ADCK5: variants seen among roughly 807,000 people sequenced by gnomAD.
ADCK5 encodes uncharacterized aarF domain-containing protein kinase 5.
Under a neutral mutation model 64.9 loss-of-function variants are expected in ADCK5, and 43 were observed. The observed-to-expected ratio is 0.66, with a 90% CI of 0.52 to 0.85. The LOEUF is 0.85. Ranked by LOEUF, ADCK5 falls within the 40% of genes least tolerant of loss-of-function variation. The pLI, the probability that ADCK5 is intolerant of heterozygous loss-of-function variation, is 0.00. For missense variants in ADCK5, 760 were observed against 810.5 expected (o/e 0.94, Z 0.76); for synonymous variants, 434 against 342.8 (o/e 1.27, Z -2.94).
intron 3 of ADCK5, among the ~76,000 whole-genome samples, chr8:144,387,474 C>T (rs1296670320): frequency 6.6e-6 from 1 of 152,090 alleles, no homozygotes; most frequent in African/African-American, 2.4e-5. Context: ...CATCTTGGCT[C>T]ACTTCAGCCT....
chr8:144,388,356 CAAA>C (rs111734380), intron 3 of ADCK5, among the ~76,000 whole-genome samples: 1 of 84,836 alleles, frequency 1.2e-5, no homozygotes. Context: ...GATTCCATCT[CAAA>C]AAAAAAAAAA....
intron 1 of ADCK5, chr8:144,377,546 C>T (rs782537000): frequency 3.3e-5 from 5 of 152,212 alleles, no homozygotes; most frequent in Admixed American, 6.5e-5. Flanking sequence ...GACAGGGTTT[C>T]GCCATGTTGG....
chr8:144,375,474 A>G (rs2130679546), intron 1 of ADCK5: 6 of 985,416 alleles, frequency 6.1e-6, no homozygotes, highest in Non-Finnish European at 7.2e-6. Flanking sequence ...AGTTTCTGGC[A>G]TCATTCTGAG....
In ADCK5 at chr8:144,391,064, T is replaced by A. The variant is rs782286920; in HGVS notation, c.543+8T>A. ...AAGCGGGGCTTCCAGGAGGTGAGTG[T>A]GCGCTCAGGCCGAGGGAGGTGGGGC... On this transcript the variant is annotated splice_region_variant and intron_variant, in intron 5 of 14. Coordinates refer to ENST00000308860, the MANE Select transcript of ADCK5 (RefSeq NM_174922.5). 34 of 1,611,658 alleles carry A rather than the reference T, an allele frequency of 2.1e-5. No individual in the cohort carries two copies. In the South Asian group the frequency reaches 3.7e-4, roughly 18 times the overall value.
rs556789935 is a variant in ADCK5 at position 144,393,083 on chromosome 8, C to T, written c.*9C>T. 6 of 1,552,942 alleles carry T rather than the reference C, an allele frequency of 3.9e-6. No individual in the cohort carries two copies. The East Asian group carries it at 7.1e-5, about 18-fold the overall frequency. On this transcript the variant is annotated 3_prime_UTR_variant, in exon 15 of 15. Coordinates refer to ENST00000308860, the MANE Select transcript of ADCK5 (RefSeq NM_174922.5). ...AGTACCTGGAGACCTAGGGTGCAGC[C>T]GCCCAGGGCCGGCGGGGCCCTTTTC...
intron 2 of ADCK5, among the ~76,000 whole-genome samples, chr8:144,381,464 C>G (rs868908675): frequency 3.2e-5 from 4 of 126,106 alleles, no homozygotes; most frequent in Admixed American, 2.4e-4. Flanking sequence ...CTGCCGCACT[C>G]AGGATTATGG....
chr8:144,382,998 G>T lies in ADCK5; in HGVS notation c.117-83G>T. On this transcript the variant is annotated intron_variant, in intron 2 of 14. Coordinates refer to ENST00000308860, the MANE Select transcript of ADCK5 (RefSeq NM_174922.5). ...GGCTGTGCACACAGGAGTGAGACGT[G>T]GTGCTGGGGGAGGTGGGGGCAGAGA... is the stretch of plus-strand genomic sequence containing the variant. 3.3e-6 allele frequency: 5 copies of T among 1,524,120 alleles called. No homozygotes were observed. In the South Asian group the frequency reaches 4.8e-5, roughly 15 times the overall value. 94.4% of individuals were successfully genotyped at this position (1,524,120 alleles called of 1,614,324 possible).
chr8:144,381,552 G>T (rs1819642567), intron 2 of ADCK5, among the ~76,000 whole-genome samples: 1 of 147,834 alleles, frequency 6.8e-6, no homozygotes, highest in Non-Finnish European at 1.5e-5. Context: ...ACAGATGTGT[G>T]CTCAGGCACC....
chr8:144,381,862 A>G (rs1407022312), intron 2 of ADCK5, among the ~76,000 whole-genome samples: 1 of 131,854 alleles, frequency 7.6e-6, no homozygotes, highest in Non-Finnish European at 1.6e-5. Flanking sequence ...GGCCGGGTGT[A>G]GAAACAGATG....
chr8:144,389,851 C>G (rs561005211), intron 3 of ADCK5, among the ~76,000 whole-genome samples: 3 of 146,244 alleles, frequency 2.1e-5, no homozygotes, highest in Non-Finnish European at 4.5e-5. Flanking sequence ...TTTTTGAAAC[C>G]GAGTTTCGCT....
Position 144,384,810 on chromosome 8 carries a change from C to T in ADCK5, c.266+1580C>T. On this transcript the variant is annotated intron_variant, in intron 3 of 14. Transcript: ENST00000308860. The surrounding 1 kb of genome is among the most constrained non-coding windows in gnomAD (Gnocchi z 5.7). ...CTCACTTTGTGGGAAAACATCTTCTCACAGCTCGCTCTCAGGGGCTGAGCT... is the reference window on the plus strand; with the variant it reads ...CTCACTTTGTGGGAAAACATCTTCTTACAGCTCGCTCTCAGGGGCTGAGCT... Among the ~76,000 whole-genome samples, 1 of 152,198 alleles carries T rather than the reference C, an allele frequency of 6.6e-6. No individual in the cohort carries two copies. Among genetic ancestry groups the T allele is most frequent in the Non-Finnish European group, 1.5e-5 (1 of 68,044 alleles).
intron 1 of ADCK5, among the ~76,000 whole-genome samples, chr8:144,379,058 C>T (rs1175288381): frequency 6.6e-6 from 1 of 151,626 alleles, no homozygotes; most frequent in Non-Finnish European, 1.5e-5. Flanking sequence ...CTCAGCCTCC[C>T]GAGTAGCTGG....
Position 144,387,043 on chromosome 8 carries a change from C to A in ADCK5, c.267-3628C>A, listed in dbSNP as rs532637655. Among the ~76,000 whole-genome samples the A allele has an allele frequency of 2.6e-4, 40 of 152,340 alleles. No individual in the cohort carries two copies. The East Asian group carries it at 6.5e-3, about 25-fold the overall frequency. On this transcript the variant is annotated intron_variant, in intron 3 of 14. Coordinates refer to ENST00000308860, the MANE Select transcript of ADCK5 (RefSeq NM_174922.5). ...TGCAGGGGCCTAGTGTGGCAGCTGT[C>A]TGATTTGCAAATAAAGCTTTATTGG...
At chr8:144,390,539 T>C in intron 3 of ADCK5, 132 bp from the exon 4 acceptor site, 1 of 961,950 alleles carries the variant, frequency 1.0e-6, no homozygotes, top group South Asian at 1.4e-5. Flanking sequence ...GGCTGGACCC[T>C]GGCTTGGCCT....
At chr8:144,382,788 T>C (rs368722623) in intron 2 of ADCK5, among the ~76,000 whole-genome samples, 7 of 152,248 alleles carry the variant, frequency 4.6e-5, no homozygotes, top group East Asian at 1.9e-4. Flanking sequence ...ATTGAGCTGC[T>C]TCCTTTACCT....
chr8:144,388,688 C>T (rs903256892), intron 3 of ADCK5, among the ~76,000 whole-genome samples: 1 of 151,724 alleles, frequency 6.6e-6, no homozygotes, highest in Non-Finnish European at 1.5e-5. Flanking sequence ...CGGCGTGAAC[C>T]TGGGAGGCGG....
intron 2 of ADCK5, among the ~76,000 whole-genome samples, chr8:144,379,997 C>A (rs1819531421): frequency 6.6e-6 from 1 of 152,216 alleles, no homozygotes; most frequent in Admixed American, 6.5e-5. Flanking sequence ...GGTGAGCTGT[C>A]CAAGCGCCAC....
rs1554857247 is a variant in ADCK5, at chr8:144,376,860, C to T, written c.13-2527C>T. The stretch of plus-strand genomic sequence containing the variant: ...GATGGCCCGCCTACGAGTCGCTGCC[C>T]GGCTGCCTTGGGTTTTCCTTGTGAA... On this transcript the variant is annotated intron_variant, in intron 1 of 14. Coordinates refer to ENST00000308860, the MANE Select transcript of ADCK5 (RefSeq NM_174922.5). The surrounding 1 kb of genome is among the most constrained non-coding windows in gnomAD (Gnocchi z 5.1). 6.6e-6 allele frequency among the ~76,000 whole-genome samples: 1 copy of T among 152,212 alleles called. No individual in the cohort carries two copies. Among genetic ancestry groups the T allele is most frequent in the African/African-American group, 2.4e-5 (1 of 41,448 alleles).
intron 1 of ADCK5, among the ~76,000 whole-genome samples, chr8:144,375,190 G>A (rs548370480): frequency 1.3e-5 from 2 of 152,376 alleles, no homozygotes; most frequent in African/African-American, 4.8e-5. Flanking sequence ...GCCCCAGCGA[G>A]TGGACAGGTC....
Sources: gnomAD v4.1 joint callset for allele counts (sites outside exome capture counted in the v4.1 genomes callset) on GRCh38, gnomAD v4.1.1 for gene constraint, Gnocchi (gnomAD v3.1) non-coding constraint, MANE v1.5 for transcripts, NCBI Gene and HGNC (gene_info 2026-07-23, HGNC 2026-07-21) for gene names.